Variants in RFX4 observed in about 807,000 individuals in gnomAD.
RFX4 encodes regulatory factor X4, also known as transcription factor RFX4.
In RFX4, 10 loss-of-function variants were observed where a neutral mutation model predicts 95.0. That is an observed-to-expected ratio of 0.11 (90% CI 0.06 to 0.18). RFX4 has a LOEUF of 0.18. Among genes scored for constraint, RFX4 ranks in the 10% least tolerant of loss-of-function variants. The pLI is 1.00. For missense variants in RFX4, 640 were observed against 922.0 expected, an observed-to-expected ratio of 0.69 and a Z score of 3.96; for synonymous variants, 321 against 340.7, an observed-to-expected ratio of 0.94 and a Z score of 0.64.
intron 4 of RFX4, among the ~76,000 whole-genome samples, chr12:106,668,594 T>C (rs2041222406): frequency 6.6e-6 from 1 of 152,006 alleles, no homozygotes; most frequent in South Asian, 2.1e-4. Context: ...AAATAATAAT[T>C]AGGATTTATT....
chr12:106,750,513 G>T, intron 16 of RFX4, 142 bp from the exon 17 acceptor site: 6 of 718,006 alleles, frequency 8.4e-6, no homozygotes, highest in African/African-American at 1.8e-5. Context: ...AAAGAAAAAT[G>T]GGATTGGGGG....
At chr12:106,702,717 G>C (rs1393076585) in intron 8 of RFX4, among the ~76,000 whole-genome samples, 2 of 152,178 alleles carry the variant, frequency 1.3e-5, no homozygotes, top group Non-Finnish European at 2.9e-5. Context: ...CAGGGTTACA[G>C]AGCTTTCTCT....
intron 13 of RFX4, 115 bp from the exon 14 acceptor site, chr12:106,732,015 T>A (rs1043111776): frequency 2.1e-6 from 3 of 1,444,958 alleles, no homozygotes; most frequent in Non-Finnish European, 2.8e-6. Flanking sequence ...GAGTGGAAAA[T>A]TAGACTCTTG....
chr12:106,693,172 T>C (rs1258328131), intron 7 of RFX4: 1 of 376,404 alleles, frequency 2.7e-6, no homozygotes. Context: ...CTAAGGCCAT[T>C]CTCCCTCCTT....
intron 5 of RFX4, chr12:106,684,710 G>A: frequency 6.7e-7 from 1 of 1,491,410 alleles, no homozygotes; most frequent in African/African-American, 1.4e-5. Flanking sequence ...TGAGTTCCAG[G>A]TGGGAAGGCA....
chr12:106,738,070 T>C (rs1231559608), intron 15 of RFX4, among the ~76,000 whole-genome samples: 1 of 152,160 alleles, frequency 6.6e-6, no homozygotes, highest in Non-Finnish European at 1.5e-5. Context: ...CATGCAGCTC[T>C]CAGGAGTTCT....
At chr12:106,637,828 C>T (rs147535760) in intron 2 of RFX4, among the ~76,000 whole-genome samples, 19 of 152,082 alleles carry the variant, frequency 1.2e-4, no homozygotes, top group Admixed American at 5.2e-4. Flanking sequence ...AAATCTGGCC[C>T]GATACTTGTA....
chr12:106,725,135 T>A (rs937029870), intron 13 of RFX4, among the ~76,000 whole-genome samples: 5 of 152,200 alleles, frequency 3.3e-5, no homozygotes, highest in African/African-American at 1.2e-4. Context: ...ACCATTTTAT[T>A]ATGTTTATGG....
intron 15 of RFX4, among the ~76,000 whole-genome samples, chr12:106,735,470 C>T (rs750845047): frequency 1.7e-4 from 26 of 152,160 alleles, no homozygotes; most frequent in Non-Finnish European, 3.2e-4. Context: ...TACCTCTAAG[C>T]CCAATGAAGA....
intron 2 of RFX4, among the ~76,000 whole-genome samples, chr12:106,623,239 G>C (rs113944983): frequency 2.0e-5 from 3 of 150,880 alleles, no homozygotes; most frequent in African/African-American, 4.9e-5. Context: ...AGGGTTTCAC[G>C]GTGGTCTCAA....
rs112499587 is a variant in RFX4, at chr12:106,725,891, T to G, written c.1351+5015T>G. Among the ~76,000 whole-genome samples, 3 of 152,078 alleles carry G rather than the reference T, an allele frequency of 2.0e-5. No individual in the cohort carries two copies. The South Asian group carries it at 6.2e-4, about 32-fold the overall frequency. Reference sequence around the variant, plus strand: ...TTATAGGCAAGTTTAACTAAACTTATAAAAAATGTAAAATCTTTAGTCTAT... The same window carrying G: ...TTATAGGCAAGTTTAACTAAACTTAGAAAAAATGTAAAATCTTTAGTCTAT... On this transcript the variant is annotated intron_variant, in intron 13 of 17. Coordinates refer to ENST00000392842, the MANE Select transcript of RFX4 (RefSeq NM_213594.3).
Position 106,761,608 on chromosome 12 carries a change from A to T in RFX4, c.*139A>T. On this transcript the variant is annotated 3_prime_UTR_variant, in exon 18 of 18. Coordinates refer to ENST00000392842, the MANE Select transcript of RFX4 (RefSeq NM_213594.3). ...TTCCTAAGTGCCCATTTTCCTAATG[A>T]ACATGAGGATGGGATCAATGTGGGA... 4 of 513,582 alleles carry T rather than the reference A, an allele frequency of 7.8e-6. No homozygotes were observed. The highest frequency in any genetic ancestry group is 1.1e-5 in the Non-Finnish European group (4 of 359,100). 31.8% of individuals were successfully genotyped at this position (513,582 alleles called of 1,614,324 possible). A position where few individuals can be genotyped will look rare whatever the true frequency, so the allele number is the denominator to read the frequency against.
At chr12:106,689,176 A>T (rs879664449) in intron 6 of RFX4, 111 bp from the exon 7 acceptor site, 39 of 901,990 alleles carry the variant, frequency 4.3e-5, no homozygotes, top group Non-Finnish European at 7.2e-5. Flanking sequence ...GTGTTAGGTG[A>T]ATTGCATCCC....
chr12:106,735,355 A>C (rs556675026), intron 15 of RFX4, among the ~76,000 whole-genome samples: 2 of 152,278 alleles, frequency 1.3e-5, no homozygotes, highest in South Asian at 4.1e-4. Context: ...AATAGAGAGA[A>C]AGTGAAGATG....
At chr12:106,685,603 TGAGA>T (rs2041629091) in intron 5 of RFX4, among the ~76,000 whole-genome samples, 1 of 151,020 alleles carries the variant, frequency 6.6e-6, no homozygotes, top group African/African-American at 2.4e-5. Context: ...CAGTAGGTAC[TGAGA>T]GAGGGCCCAG....
At chr12:106,601,030 A>T in intron 1 of RFX4, 2 of 872,156 alleles carry the variant, frequency 2.3e-6, no homozygotes, top group Non-Finnish European at 3.1e-6. Context: ...AGCCTGTCAA[A>T]CAGTAGGTTC....
intron 7 of RFX4, among the ~76,000 whole-genome samples, chr12:106,695,734 A>T (rs952754273): frequency 2.0e-5 from 3 of 152,172 alleles, no homozygotes; most frequent in African/African-American, 7.2e-5. Context: ...GAATTCTGAT[A>T]TGAAAAGACT....
At chr12:106,647,158 C>T (rs918370637) in intron 3 of RFX4, among the ~76,000 whole-genome samples, 5 of 152,136 alleles carry the variant, frequency 3.3e-5, no homozygotes, top group Non-Finnish European at 4.4e-5. Flanking sequence ...AGAGTAGCAT[C>T]TTCTTGTTCA....
intron 1 of RFX4, among the ~76,000 whole-genome samples, chr12:106,603,290 T>A (rs1392065242): frequency 6.6e-6 from 1 of 152,236 alleles, no homozygotes; most frequent in African/African-American, 2.4e-5. Flanking sequence ...TCTGGGTTAT[T>A]CTTTGCTGCT....
Sources: gnomAD v4.1 joint callset for allele counts (sites outside exome capture counted in the v4.1 genomes callset) on GRCh38, gnomAD v4.1.1 for gene constraint, MANE v1.5 for transcripts, NCBI Gene and HGNC (gene_info 2026-07-23, HGNC 2026-07-21) for gene names.